SHPRH: variants seen among roughly 807,000 people sequenced by gnomAD.
The protein encoded by SHPRH is SNF2 histone linker PHD RING helicase.
Under a neutral mutation model 202.5 loss-of-function variants are expected in SHPRH, and 106 were observed. That is an observed-to-expected ratio of 0.52 (90% CI 0.45 to 0.62). The LOEUF (loss-of-function observed/expected upper bound fraction) is 0.62. SHPRH is among the 20% of genes least tolerant of loss of function. SHPRH has a pLI of 0.00. For synonymous variants in SHPRH, 729 were observed against 686.0 expected (o/e 1.06, Z -0.98); for missense variants, 1,710 against 2,020.0 (o/e 0.85, Z 2.94).
chr6:145,919,487 A>G lies in SHPRH; in HGVS notation c.4013T>C (p.Leu1338Pro), dbSNP rs1378798231. 2 of 1,612,364 alleles carry G rather than the reference A, an allele frequency of 1.2e-6. No individual in the cohort carries two copies. Among genetic ancestry groups the G allele is most frequent in the East Asian group, 2.2e-5 (1 of 44,782 alleles). ...CCTCAGAGCCATCCAATATTCATGA[A>G]GCAACTGAAGGAATAGAAAAGACAA... The part of the protein sequence containing the change: ...FEAWKKEYKL[L>P]HEYWMALRNR... Residue 1338 changes from leucine (L) to proline (P), a missense_variant, in exon 22 of 30, where the codon CTT becomes CCT. Physicochemically the swap from Leu to Pro is moderately conservative, Grantham distance 98 (BLOSUM62 -3). Around this residue, in one of 8 missense-constraint regions of SHPRH, gnomAD observed 306 missense variants for 479.5 expected, o/e 0.64. Transcript: ENST00000275233.
rs200288886 is a variant in SHPRH, at chr6:145,892,560, G to GT, written c.4874+654dup. On this transcript the variant is annotated intron_variant, in intron 28 of 29. Transcript: ENST00000275233. ...TTTAGTAAGTGCTTATTATGGATGT[G>GT]TTTTTTTTTCCTTTTTTAAACATCA... 3.6e-3 allele frequency among the ~76,000 whole-genome samples: 541 copies of GT among 149,926 alleles called. 5 individuals carry two copies. The highest frequency in any genetic ancestry group is 0.012 in the African/African-American group (504 of 40,788).
At chr6:145,910,319 T>C (rs1783381323) in intron 25 of SHPRH, 129 bp downstream of exon 25, 1 of 1,017,518 alleles carries the variant, frequency 9.8e-7, no homozygotes, top group Non-Finnish European at 1.5e-6. Flanking sequence ...GCAGTGTATC[T>C]ACAGACAACA....
At chr6:145,935,624 G>T in intron 11 of SHPRH, 183 bp from the exon 12 acceptor site, 3 of 614,064 alleles carry the variant, frequency 4.9e-6, no homozygotes, top group Non-Finnish European at 8.1e-6. Flanking sequence ...CATCTATTCT[G>T]CCCTAGGTTT....
intron 18 of SHPRH, among the ~76,000 whole-genome samples, chr6:145,923,120 C>T (rs558686437): frequency 2.6e-5 from 4 of 151,848 alleles, no homozygotes; most frequent in South Asian, 4.2e-4. Flanking sequence ...TGAAAGTGTA[C>T]GACTGCCACA....
chr6:145,918,631 C>T (rs1423009424), intron 22 of SHPRH: 1 of 153,054 alleles, frequency 6.5e-6, no homozygotes, highest in Non-Finnish European at 1.5e-5. Flanking sequence ...TTTCCTCTGT[C>T]CCCCTGGTAG....
Position 145,943,409 on chromosome 6 carries a change from G to A in SHPRH, c.1972C>T (p.Arg658Cys), listed in dbSNP as rs1342465382. Residue 658 changes from arginine (R) to cysteine (C), a missense_variant, in exon 9 of 30, where the codon CGC becomes TGC. Coordinates refer to ENST00000275233, the MANE Select transcript of SHPRH (RefSeq NM_001042683.3). ...TMSPFNTSDY[R>C]FECICGELDQ... is the part of the protein sequence containing the mutation. ...AGTTCACCACATATACACTCAAAGC[G>A]GTAATCAGAGGTGTTAAAGGGACTC... 4 of 1,614,008 alleles carry A rather than the reference G, an allele frequency of 2.5e-6. No individual in the cohort carries two copies. The highest frequency in any genetic ancestry group is 1.6e-4 in the Middle Eastern group (1 of 6,062).
At chr6:145,929,049 C>T (rs953307574) in intron 14 of SHPRH, among the ~76,000 whole-genome samples, 1 of 151,688 alleles carries the variant, frequency 6.6e-6, no homozygotes, top group Non-Finnish European at 1.5e-5. Context: ...AATTACCATA[C>T]CTTTTAAAGA....
chr6:145,878,737 C>T (rs1414228962), intron 2 of SHPRH, among the ~76,000 whole-genome samples: 1 of 152,172 alleles, frequency 6.6e-6, no homozygotes. Flanking sequence ...GAATGGCTTC[C>T]TCAGGAATTT....
At chr6:145,893,749 C>G (rs529843054) in intron 27 of SHPRH, among the ~76,000 whole-genome samples, 1 of 152,102 alleles carries the variant, frequency 6.6e-6, no homozygotes, top group East Asian at 1.9e-4. Context: ...TTCATTTGGT[C>G]TCTGTGTGTG....
rs189327098 is a variant in SHPRH, at chr6:145,936,964, C to T, written c.2570-1523G>A. On this transcript the variant is annotated intron_variant, in intron 11 of 29. Coordinates refer to ENST00000275233, the MANE Select transcript of SHPRH (RefSeq NM_001042683.3). Reference sequence around the variant, plus strand: ...AAATCTCAAATTCATAATCTTTTTGCACACATGCTTCATCTTTTTTTTTTT... The same window carrying T: ...AAATCTCAAATTCATAATCTTTTTGTACACATGCTTCATCTTTTTTTTTTT... Among the ~76,000 whole-genome samples the T allele has an allele frequency of 9.0e-4, 134 of 148,082 alleles. 1 individual carries two copies. The highest frequency in any genetic ancestry group is 3.3e-3 in the African/African-American group (131 of 40,022).
chr6:145,937,592 T>C (rs1413955733), intron 11 of SHPRH, among the ~76,000 whole-genome samples: 1 of 152,150 alleles, frequency 6.6e-6, no homozygotes, highest in East Asian at 1.9e-4. Context: ...CCAACCACTG[T>C]GTTTAAATCG....
intron 2 of SHPRH, among the ~76,000 whole-genome samples, chr6:145,870,765 A>C (rs1333439882): frequency 2.6e-5 from 4 of 152,162 alleles, no homozygotes; most frequent in Admixed American, 2.0e-4. Flanking sequence ...CTCACCATTA[A>C]ATATGATGTT....
intron 2 of SHPRH, among the ~76,000 whole-genome samples, chr6:145,879,333 T>C (rs1198821029): frequency 6.6e-6 from 1 of 152,120 alleles, no homozygotes; most frequent in East Asian, 1.9e-4. Context: ...CACCCCCCAT[T>C]CCTCCTTGTA....
At chr6:145,945,687 G>A (rs1787295210) in intron 7 of SHPRH, 50 bp from the exon 8 acceptor site, 1 of 1,514,328 alleles carries the variant, frequency 6.6e-7, no homozygotes, top group African/African-American at 1.4e-5. Context: ...AAAATGAAAA[G>A]AAAGTAAAAC....
intron 2 of SHPRH, among the ~76,000 whole-genome samples, chr6:145,872,601 T>C (rs1429817622): frequency 6.6e-6 from 1 of 152,194 alleles, no homozygotes; most frequent in Non-Finnish European, 1.5e-5. Context: ...GAGTGTAAAT[T>C]AGTTCAACCA....
At chr6:145,890,993 C>G (rs1269173255) in intron 28 of SHPRH, among the ~76,000 whole-genome samples, 1 of 151,258 alleles carries the variant, frequency 6.6e-6, no homozygotes, top group Non-Finnish European at 1.5e-5. Flanking sequence ...CTGCAATAGC[C>G]TCCAAGACTC....
chr6:145,911,150 G>A (rs1783456197), intron 24 of SHPRH, among the ~76,000 whole-genome samples: 1 of 151,866 alleles, frequency 6.6e-6, no homozygotes, highest in African/African-American at 2.4e-5. Flanking sequence ...TTATTTTTTA[G>A]ACATTCTTGC....
At chr6:145,955,540 A>C (rs1788420407) in intron 1 of SHPRH, among the ~76,000 whole-genome samples, 186 bp from the exon 2 acceptor site, 1 of 152,180 alleles carries the variant, frequency 6.6e-6, no homozygotes, top group African/African-American at 2.4e-5. Context: ...TATTAACCAT[A>C]ATCTCATTTA....
intron 2 of SHPRH, among the ~76,000 whole-genome samples, chr6:145,867,633 G>GTAT (rs1779856670): frequency 6.6e-5 from 2 of 30,276 alleles, no homozygotes; most frequent in African/African-American, 3.2e-4. Flanking sequence ...TATATATATA[G>GTAT]AGAGAGAGAG....
Sources: gnomAD v4.1 joint callset for allele counts (sites outside exome capture counted in the v4.1 genomes callset) on GRCh38, gnomAD v4.1.1 for gene constraint, gnomAD v4.1.1 regional missense constraint, MANE v1.5 for transcripts, NCBI Gene and HGNC (gene_info 2026-07-23, HGNC 2026-07-21) for gene names.